Variants in NEGR1 observed in about 807,000 individuals in gnomAD.
NEGR1 encodes the protein neuronal growth regulator 1.
A neutral mutation model predicts 40.9 loss-of-function variants in NEGR1; 10 were observed. That is an observed-to-expected ratio of 0.24 (90% CI 0.15 to 0.42). The LOEUF (loss-of-function observed/expected upper bound fraction) is 0.42. NEGR1 is among the 10% of genes least tolerant of loss of function. The pLI is 1.00. For synonymous variants in NEGR1, 185 were observed against 166.8 expected, an observed-to-expected ratio of 1.11 and a Z score of -0.84; for missense variants, 352 against 438.9, an observed-to-expected ratio of 0.80 and a Z score of 1.77.
intron 3 of NEGR1, among the ~76,000 whole-genome samples, chr1:71,769,360 A>G (rs1163687402): frequency 6.6e-6 from 1 of 152,174 alleles, no homozygotes; most frequent in Admixed American, 6.5e-5. Context: ...TTCAAGAGTC[A>G]TAAAGAGGCC....
intron 1 of NEGR1, among the ~76,000 whole-genome samples, chr1:72,195,562 G>A (rs1244554080): frequency 6.6e-6 from 1 of 151,362 alleles, no homozygotes; most frequent in Non-Finnish European, 1.5e-5. Flanking sequence ...TAAACATGAT[G>A]TATTTTCATA....
At chr1:72,161,119 C>T (rs564119773) in intron 1 of NEGR1, among the ~76,000 whole-genome samples, 4 of 152,100 alleles carry the variant, frequency 2.6e-5, no homozygotes, top group Non-Finnish European at 5.9e-5. Context: ...CCAAAGAGAA[C>T]GCAGCTCTGA....
intron 1 of NEGR1, among the ~76,000 whole-genome samples, chr1:72,223,727 A>C (rs1314907867): frequency 2.6e-5 from 4 of 152,170 alleles, no homozygotes; most frequent in African/African-American, 9.6e-5. Context: ...GTCTCCTCTC[A>C]AAAAAGATCA....
At chr1:72,220,144 T>C (rs1418163476) in intron 1 of NEGR1, among the ~76,000 whole-genome samples, 3 of 152,038 alleles carry the variant, frequency 2.0e-5, no homozygotes, top group Admixed American at 6.6e-5. Flanking sequence ...CAACTCTCTA[T>C]AGTTACAATT....
At chr1:72,207,659 T>C (rs1391700796) in intron 1 of NEGR1, among the ~76,000 whole-genome samples, 1 of 151,736 alleles carries the variant, frequency 6.6e-6, no homozygotes, top group Admixed American at 6.6e-5. Flanking sequence ...ATCTTTTGTT[T>C]GGGAAAGTTG....
At chr1:71,652,190 C>A (rs916681389) in intron 4 of NEGR1, among the ~76,000 whole-genome samples, 7 of 152,118 alleles carry the variant, frequency 4.6e-5, no homozygotes, top group South Asian at 4.1e-4. Flanking sequence ...CTATTTCTGC[C>A]AATTGCTTGA....
intron 2 of NEGR1, among the ~76,000 whole-genome samples, chr1:71,807,397 C>A (rs560481218): frequency 6.6e-6 from 1 of 151,892 alleles, no homozygotes; most frequent in African/African-American, 2.4e-5. Context: ...AAATAAAGAA[C>A]AATAAAAAAT....
At chr1:71,581,269 G>T (rs1016848509) in intron 6 of NEGR1, among the ~76,000 whole-genome samples, 1 of 152,128 alleles carries the variant, frequency 6.6e-6, no homozygotes, top group African/African-American at 2.4e-5. Context: ...GTTACAGGTT[G>T]ATTTATTGCT....
chr1:71,845,313 A>C (rs1659368797), intron 2 of NEGR1, among the ~76,000 whole-genome samples: 1 of 152,142 alleles, frequency 6.6e-6, no homozygotes, highest in South Asian at 2.1e-4. Flanking sequence ...TTGTGCATAA[A>C]TAAGAAGGCA....
intron 1 of NEGR1, among the ~76,000 whole-genome samples, chr1:72,116,286 A>G (rs1436156528): frequency 2.6e-5 from 4 of 151,814 alleles, no homozygotes; most frequent in South Asian, 2.1e-4. Flanking sequence ...GTTAAGCCAT[A>G]AACTTTAAGT....
At chr1:71,800,298 G>T (rs926239308) in intron 2 of NEGR1, among the ~76,000 whole-genome samples, 7 of 152,062 alleles carry the variant, frequency 4.6e-5, no homozygotes, top group Non-Finnish European at 1.0e-4. Context: ...TCTTTAGGTT[G>T]TCTGTTCACT....
chr1:71,652,509 T>G (rs1321127603), intron 4 of NEGR1, among the ~76,000 whole-genome samples: 1 of 152,160 alleles, frequency 6.6e-6, no homozygotes, highest in East Asian at 1.9e-4. Context: ...ACTACAATAT[T>G]AGCATTGAGT....
At chr1:72,101,536 T>C (rs1648937155) in intron 1 of NEGR1, among the ~76,000 whole-genome samples, 1 of 152,188 alleles carries the variant, frequency 6.6e-6, no homozygotes, top group Non-Finnish European at 1.5e-5. Context: ...AATAATCTCA[T>C]ACAGTTTGAA....
intron 5 of NEGR1, among the ~76,000 whole-genome samples, chr1:71,598,481 G>C (rs1020166755): frequency 6.6e-6 from 1 of 152,222 alleles, no homozygotes; most frequent in African/African-American, 2.4e-5. Flanking sequence ...CAGGCTTTTA[G>C]AGCAGCTGTG....
At chr1:71,494,608 G>A (rs357221) in intron 6 of NEGR1, among the ~76,000 whole-genome samples, 111,117 of 152,008 alleles carry the variant, frequency 0.73, 41,759 homozygotes, top group African/African-American at 0.89. Flanking sequence ...AGTCATTAGA[G>A]TCCTTTAAAT....
At chr1:71,730,820 C>T (rs1421101283) in intron 3 of NEGR1, among the ~76,000 whole-genome samples, 1 of 150,448 alleles carries the variant, frequency 6.6e-6, no homozygotes, top group Non-Finnish European at 1.5e-5. Flanking sequence ...TAAGAGTCTT[C>T]TTGAGACACC....
intron 1 of NEGR1, among the ~76,000 whole-genome samples, chr1:72,158,605 G>T (rs1318563869): frequency 6.6e-6 from 1 of 152,188 alleles, no homozygotes; most frequent in East Asian, 1.9e-4. Context: ...GTCTGTGCCA[G>T]ATGCATTTGC....
rs140992086 is a variant in NEGR1, at chr1:72,060,609, G to A, written c.177-125298C>T. Among the ~76,000 whole-genome samples the A allele has an allele frequency of 1.1e-4, 17 of 151,640 alleles. 1 individual carries two copies. The East Asian group carries it at 2.9e-3, about 26-fold the overall frequency. ...CCTTGTTTAGAGGAAGAGTTAATAC[G>A]ATAAGCTCTGGATTACAGAATGCTC... On this transcript the variant is annotated intron_variant, in intron 1 of 6. Transcript: ENST00000357731.
At chr1:71,445,486 C>G (rs1194646042) in intron 6 of NEGR1, among the ~76,000 whole-genome samples, 3 of 151,528 alleles carry the variant, frequency 2.0e-5, no homozygotes, top group Non-Finnish European at 1.5e-5. Context: ...GAGAAATAGG[C>G]TGAGGAACTA....
Sources: gnomAD v4.1 joint callset for allele counts (sites outside exome capture counted in the v4.1 genomes callset) on GRCh38, gnomAD v4.1.1 for gene constraint, MANE v1.5 for transcripts, NCBI Gene and HGNC (gene_info 2026-07-23, HGNC 2026-07-21) for gene names.